Variants in KIF26A observed in about 807,000 individuals in gnomAD.
The protein encoded by KIF26A is kinesin family member 26A.
Under a neutral mutation model 126.0 loss-of-function variants are expected in KIF26A, and 74 were observed. The ratio of observed to expected loss-of-function variants is 0.59; its 90% CI spans 0.49 to 0.71. KIF26A has a LOEUF of 0.71. KIF26A is among the 30% of genes least tolerant of loss of function. KIF26A has a pLI of 0.00. For missense variants in KIF26A, 2,984 were observed against 2,763.3 expected, an observed-to-expected ratio of 1.08 and a Z score of -1.79; for synonymous variants, 1,445 against 1,232.7, an observed-to-expected ratio of 1.17 and a Z score of -3.61.
chr14:104,166,773 G>A (rs1234615443), intron 4 of KIF26A, 86 bp from the exon 5 acceptor site: 2 of 1,283,490 alleles, frequency 1.6e-6, no homozygotes, highest in Non-Finnish European at 1.1e-6. Context: ...AAGTCCCAGG[G>A]TGGGATCGCC....
Position 104,172,886 on chromosome 14 carries a change from C to T in KIF26A, c.1421-91C>T, listed in dbSNP as rs187443989. 131 of 1,429,910 alleles carry T rather than the reference C, an allele frequency of 9.2e-5. No individual in the cohort carries two copies. In the African/African-American group the frequency reaches 1.3e-3, roughly 14 times the overall value. The allele number at this position is 1,429,910 out of a possible 1,614,324, so 88.6% of individuals were successfully genotyped here. A position where few individuals can be genotyped will look rare whatever the true frequency, so the allele number is the denominator to read the frequency against. The stretch of plus-strand genomic sequence containing the variant: ...GGATCCAAAGAGGCCCCTGAGATCT[C>T]GGTGCCCCTGGTTGGCCCCCGGGGA... On this transcript the variant is annotated intron_variant, in intron 7 of 14. Coordinates refer to ENST00000423312, the MANE Select transcript of KIF26A (RefSeq NM_015656.2).
rs553901245 is a variant in KIF26A at position 104,164,998 on chromosome 14, C to T, written c.924-1861C>T. Among the ~76,000 whole-genome samples, 35 of 148,280 alleles carry T rather than the reference C, an allele frequency of 2.4e-4. 1 individual carries two copies. In the South Asian group the frequency reaches 5.0e-3, roughly 21 times the overall value. On this transcript the variant is annotated intron_variant, in intron 4 of 14. Transcript: ENST00000423312. ...GCGTCTCTGTGTGTGTTTCTGTATG[C>T]GTGCACGTGTCTCTGGGTGTGCCTC...
At chr14:104,139,411 T>C (rs1041072840) in intron 2 of KIF26A, 123 bp downstream of exon 2, 22 of 1,224,222 alleles carry the variant, frequency 1.8e-5, no homozygotes, top group Non-Finnish European at 2.3e-5. Flanking sequence ...CAAAGAGTTA[T>C]CAGCCAGGAC....
chr14:104,179,222 G>T lies in KIF26A; in HGVS notation c.5317-14G>T, dbSNP rs61996620. On this transcript the variant is annotated splice_polypyrimidine_tract_variant and intron_variant, in intron 13 of 14. Transcript: ENST00000423312. Reference sequence around the variant, plus strand: ...GGGTCCCATGCCTGAGCCCCCGCCCGCCCTGCCTCCCAGGGTCTGGCGTGC... The same window carrying T: ...GGGTCCCATGCCTGAGCCCCCGCCCTCCCTGCCTCCCAGGGTCTGGCGTGC... 0.019 allele frequency: 27,341 copies of T among 1,452,754 alleles called. 304 individuals carry two copies. The highest frequency in any genetic ancestry group is 0.022 in the Non-Finnish European group (23,874 of 1,106,812). 90.0% of individuals were successfully genotyped at this position (1,452,754 alleles called of 1,614,324 possible).
rs2037727786 is a variant in KIF26A at position 104,151,388 on chromosome 14, G to A, written c.289-627G>A. Among the ~76,000 whole-genome samples the A allele has an allele frequency of 6.6e-6, 1 of 152,058 alleles. No homozygotes were observed. Among genetic ancestry groups the A allele is most frequent in the African/African-American group, 2.4e-5 (1 of 41,408 alleles). The stretch of plus-strand genomic sequence containing the variant: ...AGACCTGGGTGGGGGAGCTGGTGGA[G>A]TGTGCGGCGGGGGGTGGGGCCCTGG... On this transcript the variant is annotated intron_variant, in intron 2 of 14. Transcript: ENST00000423312. The surrounding 1 kb of genome is among the most constrained non-coding windows in gnomAD (Gnocchi z 4.9).
At chr14:104,169,445 C>A (rs2037937085) in intron 5 of KIF26A, among the ~76,000 whole-genome samples, 1 of 152,312 alleles carries the variant, frequency 6.6e-6, no homozygotes, top group Middle Eastern at 3.4e-3. Flanking sequence ...TCTCCCTTCT[C>A]TCCATGGCAG....
intron 11 of KIF26A, 110 bp downstream of exon 11, chr14:104,174,420 TG>T (rs1278258579): frequency 2.1e-5 from 23 of 1,114,824 alleles, no homozygotes; most frequent in Admixed American, 3.1e-5. Context: ...GCCTGGAGCC[TG>T]GGTAGATGTC....
rs1234091946 is a variant in KIF26A at position 104,175,789 on chromosome 14, C to G, written c.3001C>G (p.Arg1001Gly). 1 of 1,539,328 alleles carries G rather than the reference C, an allele frequency of 6.5e-7. No individual in the cohort carries two copies. Among genetic ancestry groups the G allele is most frequent in the Admixed American group, 2.0e-5 (1 of 51,040 alleles). The change falls in exon 12 of 15, where the codon CGC (arginine) becomes GGC (glycine). Residue 1001 changes from arginine to glycine, a missense_variant. Transcript: ENST00000423312. ...SPMLPGATCP[R>G]LAAGSRCPER... ...GATGCTTCCTGGGGCCACCTGCCCCCGCCTGGCTGCTGGCAGTCGCTGTCC... is the reference window on the plus strand; with the variant it reads ...GATGCTTCCTGGGGCCACCTGCCCCGGCCTGGCTGCTGGCAGTCGCTGTCC...
In KIF26A at chr14:104,176,253, T is replaced by C; in HGVS notation, c.3465T>C (p.Asp1155=). 6.3e-7 allele frequency: 1 copy of C among 1,597,392 alleles called. No homozygotes were observed. Among genetic ancestry groups the C allele is most frequent in the Non-Finnish European group, 8.5e-7 (1 of 1,172,136 alleles). Residue 1155 remains aspartate, a synonymous_variant, in exon 12 of 15, where the codon GAT becomes GAC. Transcript: ENST00000423312. ...CTGCCCTGGATGGTTCCCTGGGGGA[T>C]GGAAGCTCTGGGTTCCTGGGGCCAG... ...GPPALDGSLG[D]GSSGFLGPDR...
chr14:104,147,626 G>A (rs1353785489), intron 2 of KIF26A, among the ~76,000 whole-genome samples: 3 of 152,218 alleles, frequency 2.0e-5, no homozygotes, highest in Non-Finnish European at 4.4e-5. Context: ...CCGCCCTGAT[G>A]GGCTGCACCA....
chr14:104,153,639 G>GCCGAACCC (rs1272409654), intron 3 of KIF26A, among the ~76,000 whole-genome samples: 7 of 151,604 alleles, frequency 4.6e-5, no homozygotes, highest in South Asian at 2.1e-4. Context: ...TGGCCCCAGA[G>GCCGAACCC]CTGGGCATCC....
intron 11 of KIF26A, 55 bp downstream of exon 11, chr14:104,174,365 A>G (rs1158861269): frequency 2.1e-6 from 3 of 1,441,056 alleles, no homozygotes; most frequent in African/African-American, 1.5e-5. Flanking sequence ...TCCTGTGTCC[A>G]CTGCAGGCCT....
Position 104,178,118 on chromosome 14 carries a change from C to T in KIF26A, c.5110+220C>T, listed in dbSNP as rs188078897. ...CAGTTTATAAACCCCCTGTACTTGC[C>T]CTTCTCTGGCCCCACCCTGCCCTGG... On this transcript the variant is annotated intron_variant, in intron 12 of 14. Transcript: ENST00000423312. Among the ~76,000 whole-genome samples, 23 of 152,352 alleles carry T rather than the reference C, an allele frequency of 1.5e-4. No homozygotes were observed. In the East Asian group the frequency reaches 4.0e-3, roughly 27 times the overall value.
chr14:104,147,557 G>A (rs2037690831), intron 2 of KIF26A, among the ~76,000 whole-genome samples: 1 of 152,176 alleles, frequency 6.6e-6, no homozygotes, highest in African/African-American at 2.4e-5. Context: ...GGGGCACCGG[G>A]GCAGCCAGGT....
At chr14:104,172,023 C>G in intron 6 of KIF26A, 88 bp downstream of exon 6, 2 of 1,261,138 alleles carry the variant, frequency 1.6e-6, no homozygotes, top group Non-Finnish European at 2.2e-6. Flanking sequence ...CCCGCTTCTC[C>G]GTGCAGGGCG....
At position 104,178,587 on chromosome 14, in the gene KIF26A, C is replaced by T. The variant is rs553464129; in HGVS notation, c.5148C>T (p.Pro1716=). 573 of 1,523,368 alleles carry T rather than the reference C, an allele frequency of 3.8e-4. 1 individual carries two copies. Among genetic ancestry groups the T allele is most frequent in the Non-Finnish European group, 4.3e-4 (484 of 1,133,662 alleles). The allele number at this position is 1,523,368 out of a possible 1,614,324, so 94.4% of individuals were successfully genotyped here. A position where few individuals can be genotyped will look rare whatever the true frequency, so the allele number is the denominator to read the frequency against. ...GGCGCCTGATTCCCGCCCCACTGCC[C>T]GACACCACTGCCCTGGGCCGTAAGC... ...QRRRLIPAPL[P]DTTALGRKPS... Residue 1716 remains proline, a synonymous_variant, in exon 13 of 15, where the codon CCC becomes CCT. Coordinates refer to ENST00000423312, the MANE Select transcript of KIF26A (RefSeq NM_015656.2).
At chr14:104,172,488 G>C in intron 6 of KIF26A, 87 bp from the exon 7 acceptor site, 1 of 897,442 alleles carries the variant, frequency 1.1e-6, no homozygotes, top group Non-Finnish European at 1.7e-6. Flanking sequence ...TCGACTGCCT[G>C]CATGTGCCAG....
rs1012307496 is a variant in KIF26A, at chr14:104,176,922, C to G, written c.4134C>G (p.Ala1378=). The G allele has an allele frequency of 3.9e-6, 6 of 1,537,192 alleles. No homozygotes were observed. The highest frequency in any genetic ancestry group is 1.4e-5 in the African/African-American group (1 of 72,990). The change falls in exon 12 of 15, where the codon GCC becomes GCG. Residue 1378 remains alanine (A), a synonymous_variant. Transcript: ENST00000423312. The part of the protein sequence containing the change: ...KSSLEQRSSP[A]SAPPHAVNPA... Reference sequence around the variant, plus strand: ...GCCTGGAGCAGAGGAGCAGCCCGGCCTCGGCCCCTCCGCATGCTGTGAACC... The same window carrying G: ...GCCTGGAGCAGAGGAGCAGCCCGGCGTCGGCCCCTCCGCATGCTGTGAACC...
At chr14:104,150,176 T>C (rs1304670200) in intron 2 of KIF26A, among the ~76,000 whole-genome samples, 1 of 41,046 alleles carries the variant, frequency 2.4e-5, no homozygotes, top group Non-Finnish European at 6.3e-5. Context: ...CCCCTTCTCC[T>C]CCTTCCCCTC....
Sources: gnomAD v4.1 joint callset for allele counts (sites outside exome capture counted in the v4.1 genomes callset) on GRCh38, gnomAD v4.1.1 for gene constraint, Gnocchi (gnomAD v3.1) non-coding constraint, MANE v1.5 for transcripts, NCBI Gene and HGNC (gene_info 2026-07-23, HGNC 2026-07-21) for gene names.